The following ABCC3 variants were observed in gnomAD, a reference collection of about 807,000 sequenced individuals.
ABCC3 encodes ATP-binding cassette sub-family C member 3.
Under a neutral mutation model 165.3 loss-of-function variants are expected in ABCC3, and 121 were observed. The ratio of observed to expected loss-of-function variants is 0.73; its 90% CI spans 0.63 to 0.85. The LOEUF (loss-of-function observed/expected upper bound fraction) is 0.85. ABCC3 is among the 40% of genes least tolerant of loss of function. The pLI is 0.00. For synonymous variants in ABCC3, 733 were observed against 810.1 expected, an observed-to-expected ratio of 0.90 and a Z score of 1.62; for missense variants, 1,869 against 1,964.1, an observed-to-expected ratio of 0.95 and a Z score of 0.92.
In ABCC3 at chr17:50,687,664, C is replaced by A. The variant is rs570269563; in HGVS notation, c.4409C>A (p.Thr1470Asn). The change falls in exon 30 of 31, where the codon ACC becomes AAC. Residue 1470 changes from threonine (T) to asparagine (N), a missense_variant. By Grantham distance (65) the Thr-to-Asn change is moderately conservative (BLOSUM62 0). Coordinates refer to ENST00000285238, the MANE Select transcript of ABCC3 (RefSeq NM_003786.4). The stretch of plus-strand genomic sequence containing the variant: ...AACCTCATCCAGGCTACCATCCGCA[C>A]CCAGTTTGATACCTGCACTGTCCTG... ...TDNLIQATIR[T>N]QFDTCTVLTI... The A allele has an allele frequency of 6.2e-7, 1 of 1,614,256 alleles. No homozygotes were observed. Among genetic ancestry groups the A allele is most frequent in the African/African-American group, 1.3e-5 (1 of 75,060 alleles).
At position 50,641,170 on chromosome 17, in the gene ABCC3, T is replaced by G. The variant is rs4148409; in HGVS notation, c.45+6189T>G. On this transcript the variant is annotated intron_variant, in intron 1 of 30. Coordinates refer to ENST00000285238, the MANE Select transcript of ABCC3 (RefSeq NM_003786.4). ...GCTTCAGTGACCATGAAGTCTGCCA[T>G]GAGGGGGCCTCTGCCACGTGGTCCA... Among the ~76,000 whole-genome samples, 763 of 152,308 alleles carry G rather than the reference T, an allele frequency of 5.0e-3. 3 individuals carry two copies. Among genetic ancestry groups the G allele is most frequent in the African/African-American group, 0.018 (728 of 41,556 alleles).
At chr17:50,661,968 A>G (rs1000088582) in intron 8 of ABCC3, among the ~76,000 whole-genome samples, 2 of 152,204 alleles carry the variant, frequency 1.3e-5, no homozygotes, top group African/African-American at 2.4e-5. Context: ...AGCATGACTC[A>G]GGTGTTTCTG....
chr17:50,682,781 G>A (rs537140072), intron 26 of ABCC3, among the ~76,000 whole-genome samples: 19 of 152,278 alleles, frequency 1.2e-4, no homozygotes, highest in African/African-American at 3.6e-4. Flanking sequence ...TAAATCTCAC[G>A]AGGGTGAGGA....
intron 19 of ABCC3, among the ~76,000 whole-genome samples, chr17:50,673,980 C>CTTTCCTTCCTTCCTTCCTTCCT (rs1967725765): frequency 4.3e-4 from 4 of 9,408 alleles, no homozygotes; most frequent in African/African-American, 1.3e-3. Flanking sequence ...TTCTTTCTTT[C>CTTTCCTTCCTTCCTTCCTTCCT]TCTCTCTCTC....
In ABCC3 at chr17:50,683,664, G is replaced by C. The variant is rs1292934429; in HGVS notation, c.3862G>C (p.Glu1288Gln). ...TCCCGAAGGTTGGCCCCCACGTGGG[G>C]AGGTGGAGTTCCGGAATTATTCTGT... ...RPPEGWPPRG[E>Q]VEFRNYSVRY... The change falls in exon 27 of 31, where the codon GAG (glutamate) becomes CAG (glutamine). Residue 1288 changes from glutamate (E) to glutamine (Q), a missense_variant. Glu to Gln is a conservative substitution (Grantham distance 29). Transcript: ENST00000285238. The C allele has an allele frequency of 6.2e-7, 1 of 1,604,012 alleles. No individual in the cohort carries two copies.
At chr17:50,637,906 T>G (rs2054194187) in intron 1 of ABCC3, among the ~76,000 whole-genome samples, 1 of 152,174 alleles carries the variant, frequency 6.6e-6, no homozygotes, top group African/African-American at 2.4e-5. Context: ...GCTGGGGAGC[T>G]GGGAGCTGTT....
At chr17:50,676,880 T>G (rs875238) in intron 23 of ABCC3, among the ~76,000 whole-genome samples, 3 of 42,246 alleles carry the variant, frequency 7.1e-5, no homozygotes, top group African/African-American at 2.8e-4. Context: ...GTTGGCTTTT[T>G]TTTTTTGGGG....
intron 1 of ABCC3, chr17:50,635,335 A>G (rs766746242): frequency 4.9e-5 from 31 of 630,610 alleles, no homozygotes; most frequent in Non-Finnish European, 7.5e-5. Flanking sequence ...GCGTTTCGCA[A>G]TCAGCCGCGG....
chr17:50,690,814 C>T (rs950047046), intron 30 of ABCC3, among the ~76,000 whole-genome samples: 1 of 152,210 alleles, frequency 6.6e-6, no homozygotes, highest in African/African-American at 2.4e-5. Context: ...CCTGTGACCC[C>T]GGCAAGGGGA....
chr17:50,684,811 A>T lies in ABCC3; in HGVS notation c.4216A>T (p.Thr1406Ser), dbSNP rs778233657. ...GGCTTTGGAGCTGTCCCACCTGCACACGTTTGTGAGCTCCCAGCCGGCAGG... is the reference window on the plus strand; with the variant it reads ...GGCTTTGGAGCTGTCCCACCTGCACTCGTTTGTGAGCTCCCAGCCGGCAGG... ...WWALELSHLHTFVSSQPAGLD... is the reference protein window; with the variant it reads ...WWALELSHLHSFVSSQPAGLD... The change falls in exon 29 of 31, where the codon ACG (threonine) becomes TCG (serine). Residue 1406 changes from threonine to serine, a missense_variant. Thr to Ser is a moderately conservative substitution (Grantham distance 58). Coordinates refer to ENST00000285238, the MANE Select transcript of ABCC3 (RefSeq NM_003786.4). 3.7e-6 allele frequency: 6 copies of T among 1,613,806 alleles called. No individual in the cohort carries two copies. The highest frequency in any genetic ancestry group is 5.1e-6 in the Non-Finnish European group (6 of 1,179,980).
chr17:50,656,818 G>A lies in ABCC3; in HGVS notation c.339G>A (p.Gly113=). ...TCTTTGTCACCCCCTTGGTGGTGGG[G>A]GTCACCATGGTCAGTGTGGGGCCCT... is the stretch of plus-strand genomic sequence containing the variant. ...PVFFVTPLVV[G]VTMLLATLLI... Residue 113 remains glycine (G), a synonymous_variant, in exon 3 of 31, where the codon GGG becomes GGA. Transcript: ENST00000285238. 6.2e-7 allele frequency: 1 copy of A among 1,609,474 alleles called. No homozygotes were observed. Among genetic ancestry groups the A allele is most frequent in the Non-Finnish European group, 8.5e-7 (1 of 1,177,984 alleles).
At chr17:50,677,107 C>A (rs749389545) in intron 23 of ABCC3, among the ~76,000 whole-genome samples, 5 of 152,216 alleles carry the variant, frequency 3.3e-5, no homozygotes, top group Non-Finnish European at 7.3e-5. Context: ...CTCTTGAACT[C>A]CTGACCTCAA....
intron 2 of ABCC3, 107 bp from the exon 3 acceptor site, chr17:50,656,595 C>T (rs1398033717): frequency 1.9e-5 from 28 of 1,453,256 alleles, no homozygotes; most frequent in Non-Finnish European, 2.1e-5. Context: ...GTGCCAGTCC[C>T]AGGCAGGTCT....
chr17:50,667,527 C>A, intron 11 of ABCC3, 27 bp from the exon 12 acceptor site: 1 of 1,586,938 alleles, frequency 6.3e-7, no homozygotes, highest in Non-Finnish European at 8.6e-7. Flanking sequence ...AGCAGGTGTG[C>A]CACTGACACT....
intron 3 of ABCC3, 43 bp from the exon 4 acceptor site, chr17:50,657,003 G>C: frequency 6.2e-7 from 1 of 1,600,066 alleles, no homozygotes; most frequent in Non-Finnish European, 8.5e-7. Context: ...GGCAGGTCCA[G>C]ATGTGTGTGT....
intron 26 of ABCC3, 37 bp downstream of exon 26, chr17:50,679,936 G>C: frequency 1.3e-6 from 2 of 1,558,500 alleles, no homozygotes; most frequent in Non-Finnish European, 1.8e-6. Flanking sequence ...GGGGGAATCT[G>C]AAGTAGCTGG....
intron 1 of ABCC3, chr17:50,643,447 G>T (rs78873696): frequency 0.038 from 16,474 of 438,898 alleles, 454 homozygotes; most frequent in East Asian, 0.081. Context: ...TACAACTTCT[G>T]CCCACCTGGG....
intron 15 of ABCC3, 67 bp downstream of exon 15, chr17:50,668,986 A>C: frequency 6.3e-7 from 1 of 1,596,910 alleles, no homozygotes; most frequent in Non-Finnish European, 8.6e-7. Flanking sequence ...CAATAGCAGC[A>C]CCCTGCAAAG....
At chr17:50,653,413 A>C (rs1967155223) in intron 1 of ABCC3, among the ~76,000 whole-genome samples, 1 of 151,850 alleles carries the variant, frequency 6.6e-6, no homozygotes, top group Non-Finnish European at 1.5e-5. Context: ...AGCAGAGCTT[A>C]TTTGAAAAAA....
Sources: gnomAD v4.1 joint callset for allele counts (sites outside exome capture counted in the v4.1 genomes callset) on GRCh38, gnomAD v4.1.1 for gene constraint, MANE v1.5 for transcripts, NCBI Gene and HGNC (gene_info 2026-07-23, HGNC 2026-07-21) for gene names.